The following KIF26B variants were observed in gnomAD, a reference collection of about 807,000 sequenced individuals.
The protein encoded by KIF26B is kinesin family member 26B.
KIF26B carries 63 observed loss-of-function variants against 151.2 expected under a neutral mutation model. That is an observed-to-expected ratio of 0.42 (90% CI 0.34 to 0.51). KIF26B has a LOEUF of 0.51. Ranked by LOEUF, KIF26B falls within the 20% of genes least tolerant of loss-of-function variation. KIF26B has a pLI of 0.07. For missense variants in KIF26B, 2,813 were observed against 2,913.6 expected (o/e 0.97, Z 0.79); for synonymous variants, 1,357 against 1,262.1 (o/e 1.08, Z -1.59).
At chr1:245,478,111 T>C (rs1360970689) in intron 4 of KIF26B, among the ~76,000 whole-genome samples, 2 of 151,974 alleles carry the variant, frequency 1.3e-5, no homozygotes, top group Non-Finnish European at 2.9e-5. Flanking sequence ...GTCTGCTTTC[T>C]TTCACGTCAC....
At position 245,708,604 on chromosome 1, in the gene KIF26B, GTTCT is replaced by G. The variant is rs1041601662; in HGVS notation, c.*5999_*6002del. The G allele has an allele frequency of 1.3e-5, 2 of 151,374 alleles. No individual in the cohort carries two copies. The highest frequency in any genetic ancestry group is 2.9e-5 in the Non-Finnish European group (2 of 67,896). 9.4% of individuals were successfully genotyped at this position (151,374 alleles called of 1,614,324 possible). On this transcript the variant is annotated 3_prime_UTR_variant, in exon 15 of 15. Coordinates refer to ENST00000407071, the MANE Select transcript of KIF26B (RefSeq NM_018012.4). ...ATATTCCATAGGACAGAAAACCTGAGTTCTAATTCCAGCTTTGCCAGTCATCCTG... is the reference window on the plus strand; with the variant it reads ...ATATTCCATAGGACAGAAAACCTGAGAATTCCAGCTTTGCCAGTCATCCTG...
intron 2 of KIF26B, among the ~76,000 whole-genome samples, chr1:245,202,477 G>T (rs1669316786): frequency 6.6e-6 from 1 of 152,192 alleles, no homozygotes; most frequent in East Asian, 1.9e-4. Flanking sequence ...GGGTTGAAGT[G>T]GCCGGGCGCA....
intron 4 of KIF26B, among the ~76,000 whole-genome samples, chr1:245,528,691 A>G (rs1437250377): frequency 6.6e-6 from 1 of 152,206 alleles, no homozygotes; most frequent in Non-Finnish European, 1.5e-5. Flanking sequence ...TCTATTCCAC[A>G]GGAATTGGGA....
intron 4 of KIF26B, among the ~76,000 whole-genome samples, chr1:245,427,906 C>A (rs1218962773): frequency 1.3e-5 from 2 of 152,160 alleles, no homozygotes; most frequent in Non-Finnish European, 2.9e-5. Flanking sequence ...GGCCAACATG[C>A]ATAATTGTGC....
intron 9 of KIF26B, among the ~76,000 whole-genome samples, chr1:245,619,603 CAAAAAA>C (rs34022501): frequency 9.9e-5 from 11 of 110,760 alleles, no homozygotes; most frequent in South Asian, 3.0e-4. Context: ...GAAACTGTTT[CAAAAAA>C]AAAAAAAAAA....
chr1:245,529,497 T>C (rs754812894), intron 4 of KIF26B, among the ~76,000 whole-genome samples: 2 of 152,196 alleles, frequency 1.3e-5, no homozygotes, highest in African/African-American at 4.8e-5. Flanking sequence ...AATCCAGATC[T>C]CTGCAGCCAG....
intron 2 of KIF26B, among the ~76,000 whole-genome samples, chr1:245,258,323 T>G (rs1670577134): frequency 6.6e-6 from 1 of 152,180 alleles, no homozygotes; most frequent in Admixed American, 6.5e-5. Context: ...ACAACCATAC[T>G]GGGCCTCTGG....
rs2043351876 is a variant in KIF26B, at chr1:245,597,913, G to GT, written c.1351-4664_1351-4663insT. 2.6e-5 allele frequency among the ~76,000 whole-genome samples: 4 copies of GT among 152,004 alleles called. No homozygotes were observed. The South Asian group carries it at 8.3e-4, about 32-fold the overall frequency. The stretch of plus-strand genomic sequence containing the variant: ...ATCTCTGCTATCCTTTCTTCCGCTT[G>GT]ATCGATTCAGCTATTGATACTGTGT... On this transcript the variant is annotated intron_variant, in intron 5 of 14. Transcript: ENST00000407071. The surrounding 1 kb of genome is among the most constrained non-coding windows in gnomAD (Gnocchi z 4.6).
intron 3 of KIF26B, among the ~76,000 whole-genome samples, chr1:245,404,099 G>A (rs752753508): frequency 6.6e-6 from 1 of 152,190 alleles, no homozygotes; most frequent in Non-Finnish European, 1.5e-5. Flanking sequence ...TGGAATCATA[G>A]TTGAGGGGAC....
intron 3 of KIF26B, among the ~76,000 whole-genome samples, chr1:245,413,810 G>C (rs1368464077): frequency 6.6e-6 from 1 of 152,236 alleles, no homozygotes; most frequent in African/African-American, 2.4e-5. Flanking sequence ...CTGAAGGGGA[G>C]AGTGGAGGGA....
At chr1:245,532,282 G>A (rs1572109471) in intron 4 of KIF26B, among the ~76,000 whole-genome samples, 2 of 116,838 alleles carry the variant, frequency 1.7e-5, no homozygotes, top group South Asian at 5.2e-4. Flanking sequence ...GTCTTGCTCT[G>A]TCGCCCAGGC....
At chr1:245,583,042 G>A (rs2043191309) in intron 5 of KIF26B, among the ~76,000 whole-genome samples, 1 of 151,936 alleles carries the variant, frequency 6.6e-6, no homozygotes, top group South Asian at 2.1e-4. Flanking sequence ...CTCACCCCCT[G>A]AAAATAGAAG....
intron 4 of KIF26B, among the ~76,000 whole-genome samples, chr1:245,447,591 CTG>C (rs1385512461): frequency 6.6e-6 from 1 of 152,044 alleles, no homozygotes; most frequent in Non-Finnish European, 1.5e-5. Flanking sequence ...GGGCTGGACT[CTG>C]GAGCTGGGCT....
chr1:245,519,158 G>A (rs991100343), intron 4 of KIF26B, among the ~76,000 whole-genome samples: 27 of 152,044 alleles, frequency 1.8e-4, no homozygotes, highest in African/African-American at 5.6e-4. Flanking sequence ...ACTGTGTCCT[G>A]TAATAGAATA....
intron 9 of KIF26B, among the ~76,000 whole-genome samples, chr1:245,621,712 G>C (rs745827207): frequency 6.6e-6 from 1 of 152,150 alleles, no homozygotes; most frequent in African/African-American, 2.4e-5. Flanking sequence ...CTCCCCAGCC[G>C]CCGGAAGTGA....
At chr1:245,624,399 G>A (rs916403637) in intron 9 of KIF26B, among the ~76,000 whole-genome samples, 1 of 152,042 alleles carries the variant, frequency 6.6e-6, no homozygotes, top group Admixed American at 6.6e-5. Context: ...GGGAGTTCCC[G>A]TTCCTCCATA....
Position 245,611,952 on chromosome 1 carries a change from A to C in KIF26B, c.2074A>C (p.Met692Leu). Residue 692 changes from methionine to leucine, a missense_variant, in exon 9 of 15, where the codon ATG (methionine) becomes CTG (leucine). Met to Leu is a conservative substitution (Grantham distance 15). Around this residue, in one of 3 missense-constraint regions of KIF26B, gnomAD observed 2,060 missense variants for 2,088.6 expected, o/e 0.99. Coordinates refer to ENST00000407071, the MANE Select transcript of KIF26B (RefSeq NM_018012.4). Reference protein sequence around the residue: ...FFTLHIYQYRMEKSGKGGMSG... With the variant: ...FFTLHIYQYRLEKSGKGGMSG... ...CACACTGCACATCTACCAGTACCGG[A>C]TGGAGAAGAGCGGGAAAGGGGGAAG... 1 of 1,613,124 alleles carries C rather than the reference A, an allele frequency of 6.2e-7. No homozygotes were observed. The highest frequency in any genetic ancestry group is 8.5e-7 in the Non-Finnish European group (1 of 1,179,354).
rs573404423 is a variant in KIF26B, at chr1:245,190,867, C to T, written c.465+34184C>T. Reference sequence around the variant, plus strand: ...CTGAGGTCAGGAGTTCGAGACCAGCCTGACCAAGATGGTGAAACACCATCT... The same window carrying T: ...CTGAGGTCAGGAGTTCGAGACCAGCTTGACCAAGATGGTGAAACACCATCT... On this transcript the variant is annotated intron_variant, in intron 2 of 14. Coordinates refer to ENST00000407071, the MANE Select transcript of KIF26B (RefSeq NM_018012.4). 2.0e-5 allele frequency among the ~76,000 whole-genome samples: 3 copies of T among 150,860 alleles called. No individual in the cohort carries two copies. The South Asian group carries it at 6.3e-4, about 32-fold the overall frequency.
At chr1:245,668,339 T>G (rs1049156769) in intron 10 of KIF26B, among the ~76,000 whole-genome samples, 2 of 152,242 alleles carry the variant, frequency 1.3e-5, no homozygotes, top group Non-Finnish European at 2.9e-5. Flanking sequence ...ACGTACCAAC[T>G]TAAAAGATGC....
Sources: gnomAD v4.1 joint callset for allele counts (sites outside exome capture counted in the v4.1 genomes callset) on GRCh38, gnomAD v4.1.1 for gene constraint, gnomAD v4.1.1 regional missense constraint, Gnocchi (gnomAD v3.1) non-coding constraint, MANE v1.5 for transcripts, NCBI Gene and HGNC (gene_info 2026-07-23, HGNC 2026-07-21) for gene names.